The following ATRNL1 variants were observed in gnomAD, a reference collection of about 807,000 sequenced individuals.
The protein encoded by ATRNL1 is attractin like 1, also known as attractin-like protein 1.
A neutral mutation model predicts 182.7 loss-of-function variants in ATRNL1; 95 were observed. The ratio of observed to expected loss-of-function variants is 0.52; its 90% confidence interval spans 0.44 to 0.62. ATRNL1 has a LOEUF of 0.62. ATRNL1 is among the 20% of genes least tolerant of loss of function. ATRNL1 has a pLI of 0.00. For synonymous variants in ATRNL1, 576 were observed against 568.3 expected, an observed-to-expected ratio of 1.01 and a Z score of -0.19; for missense variants, 1,471 against 1,679.5, an observed-to-expected ratio of 0.88 and a Z score of 2.17.
intron 26 of ATRNL1, among the ~76,000 whole-genome samples, chr10:115,559,588 A>G (rs558556399): frequency 6.6e-6 from 1 of 152,330 alleles, no homozygotes; most frequent in East Asian, 1.9e-4. Flanking sequence ...TTTAGCATAC[A>G]TATTGCCTAG....
chr10:115,393,139 G>A (rs1409869768), intron 19 of ATRNL1, among the ~76,000 whole-genome samples: 7 of 152,048 alleles, frequency 4.6e-5, no homozygotes, highest in Admixed American at 4.6e-4. Flanking sequence ...ACTGAAATGG[G>A]CTTTTCTGAT....
At chr10:115,930,565 A>G (rs1207397888) in intron 28 of ATRNL1, among the ~76,000 whole-genome samples, 4 of 152,234 alleles carry the variant, frequency 2.6e-5, no homozygotes, top group African/African-American at 4.8e-5. Context: ...TGGCTTAGCT[A>G]AAATATTCAA....
At chr10:115,199,966 T>A (rs1441581364) in intron 8 of ATRNL1, among the ~76,000 whole-genome samples, 1 of 152,122 alleles carries the variant, frequency 6.6e-6, no homozygotes, top group Non-Finnish European at 1.5e-5. Flanking sequence ...GATTTGTGCT[T>A]AATTGCTGAG....
At chr10:115,587,252 C>G (rs1464838734) in intron 26 of ATRNL1, among the ~76,000 whole-genome samples, 2 of 152,128 alleles carry the variant, frequency 1.3e-5, no homozygotes, top group Non-Finnish European at 2.9e-5. Context: ...CAGAGACAGG[C>G]AGCCCTCCTT....
chr10:115,199,723 T>C (rs901440050), intron 8 of ATRNL1, among the ~76,000 whole-genome samples: 2 of 152,180 alleles, frequency 1.3e-5, no homozygotes, highest in African/African-American at 2.4e-5. Context: ...GTAGTAATTA[T>C]GAGAGATTCT....
intron 10 of ATRNL1, among the ~76,000 whole-genome samples, chr10:115,263,334 T>TA (rs1391315574): frequency 1.4e-4 from 21 of 151,746 alleles, no homozygotes; most frequent in African/African-American, 3.4e-4. Context: ...ATGGCTATGA[T>TA]AAAAAAACAG....
chr10:115,495,870 AT>A (rs1554978066), intron 24 of ATRNL1, among the ~76,000 whole-genome samples: 1 of 151,828 alleles, frequency 6.6e-6, no homozygotes, highest in Admixed American at 6.6e-5. Flanking sequence ...GGTTCGGAAT[AT>A]TTTTGTTAGT....
intron 9 of ATRNL1, chr10:115,220,488 T>C (rs1408524955): frequency 6.6e-5 from 10 of 152,258 alleles, no homozygotes; most frequent in Non-Finnish European, 1.3e-4. Flanking sequence ...CCTGTTGTAA[T>C]GAACCCGTAA....
intron 13 of ATRNL1, among the ~76,000 whole-genome samples, chr10:115,272,138 T>C (rs1266093055): frequency 1.3e-5 from 2 of 152,342 alleles, no homozygotes; most frequent in East Asian, 1.9e-4. Flanking sequence ...CAGATGCTGG[T>C]GCCACATTTC....
chr10:115,542,766 G>A (rs1554992401), intron 25 of ATRNL1, among the ~76,000 whole-genome samples: 1 of 152,104 alleles, frequency 6.6e-6, no homozygotes, highest in Non-Finnish European at 1.5e-5. Flanking sequence ...CAGTTCCAGA[G>A]GGTAGACAGT....
intron 16 of ATRNL1, among the ~76,000 whole-genome samples, chr10:115,300,633 C>T (rs1184285826): frequency 6.6e-6 from 1 of 152,074 alleles, no homozygotes; most frequent in Non-Finnish European, 1.5e-5. Context: ...TAAAAAGAAA[C>T]ATTTTTGTTA....
At chr10:115,869,097 G>C (rs1951516094) in intron 28 of ATRNL1, among the ~76,000 whole-genome samples, 1 of 152,044 alleles carries the variant, frequency 6.6e-6, no homozygotes, top group Admixed American at 6.5e-5. Context: ...CCAAAGTGCT[G>C]GGATTACAGG....
intron 8 of ATRNL1, among the ~76,000 whole-genome samples, chr10:115,203,745 A>ATTTTTT (rs71476116): frequency 3.3e-4 from 35 of 105,964 alleles, no homozygotes; most frequent in African/African-American, 4.8e-4. Flanking sequence ...ATGCCTGGCT[A>ATTTTTT]TTTTTTTTTT....
chr10:115,927,062 T>C (rs1024129593), intron 28 of ATRNL1, among the ~76,000 whole-genome samples: 1 of 152,098 alleles, frequency 6.6e-6, no homozygotes, highest in East Asian at 1.9e-4. Context: ...AGAAAAGGTA[T>C]CCACCACGAT....
At chr10:115,649,083 T>C (rs1296748769) in intron 26 of ATRNL1, among the ~76,000 whole-genome samples, 1 of 152,186 alleles carries the variant, frequency 6.6e-6, no homozygotes, top group Non-Finnish European at 1.5e-5. Flanking sequence ...CTTACAATGT[T>C]AAAATTATAT....
At chr10:115,910,214 C>T (rs1316251761) in intron 28 of ATRNL1, among the ~76,000 whole-genome samples, 12 of 152,290 alleles carry the variant, frequency 7.9e-5, no homozygotes, top group African/African-American at 2.9e-4. Context: ...GAGTGAAAGC[C>T]ACAAGGTCAG....
chr10:115,391,393 G>A (rs1166590892), intron 19 of ATRNL1, among the ~76,000 whole-genome samples: 1 of 152,144 alleles, frequency 6.6e-6, no homozygotes, highest in Admixed American at 6.6e-5. Context: ...GTAGTGGGAT[G>A]GGTCTGGATT....
At chr10:115,213,553 G>A (rs1421372214) in intron 8 of ATRNL1, among the ~76,000 whole-genome samples, 2 of 152,070 alleles carry the variant, frequency 1.3e-5, no homozygotes, top group Non-Finnish European at 2.9e-5. Flanking sequence ...CCAGTCCCTA[G>A]CCAGTCTGCC....
intron 26 of ATRNL1, among the ~76,000 whole-genome samples, chr10:115,714,122 G>T (rs1593110825): frequency 6.6e-6 from 1 of 151,790 alleles, no homozygotes; most frequent in Admixed American, 6.5e-5. Flanking sequence ...TTTCTGGATT[G>T]CCCCATCACT....
Sources: gnomAD v4.1 joint callset for allele counts (sites outside exome capture counted in the v4.1 genomes callset) on GRCh38, gnomAD v4.1.1 for gene constraint, MANE v1.5 for transcripts, NCBI Gene and HGNC (gene_info 2026-07-23, HGNC 2026-07-21) for gene names.